STAU2: variants seen among roughly 807,000 people sequenced by gnomAD.
STAU2 encodes the protein double-stranded RNA-binding protein Staufen homolog 2.
STAU2 carries 20 observed loss-of-function variants against 65.9 expected under a neutral mutation model. The observed-to-expected ratio is 0.30, with a 90% CI of 0.21 to 0.44. The LOEUF (loss-of-function observed/expected upper bound fraction) is 0.44, where lower values mean the gene tolerates loss of function less well. Among genes scored for constraint, STAU2 ranks in the 20% least tolerant of loss-of-function variants. The probability of loss-of-function intolerance (pLI) is 1.00; values close to 1 mark genes in which losing one functional copy is unlikely to be tolerated. For synonymous variants in STAU2, 232 were observed against 233.9 expected (o/e 0.99, Z 0.07); for missense variants, 558 against 683.9 (o/e 0.82, Z 2.05).
At chr8:73,523,190 T>C (rs6995147) in intron 13 of STAU2, among the ~76,000 whole-genome samples, 123,561 of 135,994 alleles carry the variant, frequency 0.91, 56,247 homozygotes, top group Middle Eastern at 0.96. Context: ...AGCAAGACTT[T>C]GTCTCCAAAA....
At chr8:73,569,400 A>G (rs1197696747) in intron 12 of STAU2, among the ~76,000 whole-genome samples, 1 of 152,076 alleles carries the variant, frequency 6.6e-6, no homozygotes, top group East Asian at 1.9e-4. Context: ...TAGCTGAACA[A>G]AAGTCAGCAG....
intron 13 of STAU2, among the ~76,000 whole-genome samples, chr8:73,490,387 T>A (rs1362701898): frequency 6.6e-6 from 1 of 152,026 alleles, no homozygotes; most frequent in Non-Finnish European, 1.5e-5. Flanking sequence ...TGGGTTGATC[T>A]GATAATTCTT....
chr8:73,687,819 C>A (rs1045617151), intron 5 of STAU2, among the ~76,000 whole-genome samples: 1 of 151,936 alleles, frequency 6.6e-6, no homozygotes, highest in Non-Finnish European at 1.5e-5. Flanking sequence ...TCACGCCATT[C>A]TCCTGCCTCG....
chr8:73,696,277 C>T (rs1420146758), intron 4 of STAU2, among the ~76,000 whole-genome samples: 1 of 152,198 alleles, frequency 6.6e-6, no homozygotes. Context: ...CATAAACAAA[C>T]TCAGACTCTG....
At chr8:73,719,291 G>A (rs1821481303) in intron 3 of STAU2, among the ~76,000 whole-genome samples, 1 of 151,836 alleles carries the variant, frequency 6.6e-6, no homozygotes, top group Non-Finnish European at 1.5e-5. Flanking sequence ...TGTAGTCCCA[G>A]CTACTACAGA....
chr8:73,561,037 T>C (rs1808187991), intron 12 of STAU2, among the ~76,000 whole-genome samples: 1 of 152,216 alleles, frequency 6.6e-6, no homozygotes, highest in African/African-American at 2.4e-5. Flanking sequence ...CTTATACTTT[T>C]GCCAGAAATT....
At chr8:73,613,218 C>A (rs1251372694) in intron 9 of STAU2, among the ~76,000 whole-genome samples, 6 of 152,182 alleles carry the variant, frequency 3.9e-5, no homozygotes, top group African/African-American at 1.4e-4. Context: ...GCTGCTGTAG[C>A]TATCATTGTT....
chr8:73,568,995 C>T (rs920576669), intron 12 of STAU2, among the ~76,000 whole-genome samples: 1 of 151,974 alleles, frequency 6.6e-6, no homozygotes, highest in Admixed American at 6.5e-5. Flanking sequence ...GTGCAGCACA[C>T]GGAGCAGGGT....
chr8:73,438,877 T>A, intron 13 of STAU2: 1 of 451,658 alleles, frequency 2.2e-6, no homozygotes, highest in Non-Finnish European at 4.4e-6. Flanking sequence ...CAGAACTACC[T>A]AATGTGTGGG....
intron 13 of STAU2, among the ~76,000 whole-genome samples, chr8:73,496,559 A>C (rs1484015194): frequency 1.3e-5 from 2 of 151,820 alleles, no homozygotes; most frequent in Middle Eastern, 3.4e-3. Context: ...CTTTGACATA[A>C]AAGTGTTGAT....
intron 9 of STAU2, among the ~76,000 whole-genome samples, chr8:73,612,682 TG>T (rs1812561685): frequency 2.0e-5 from 3 of 152,354 alleles, no homozygotes; most frequent in Admixed American, 1.3e-4. Context: ...TATGTATATA[TG>T]TATTTTAAAT....
chr8:73,678,196 T>C (rs1818146445), intron 5 of STAU2, among the ~76,000 whole-genome samples: 1 of 152,148 alleles, frequency 6.6e-6, no homozygotes, highest in Non-Finnish European at 1.5e-5. Flanking sequence ...CTTCCTAAAA[T>C]ACTCCTTTAA....
chr8:73,453,897 T>C (rs1274080470), intron 13 of STAU2, among the ~76,000 whole-genome samples: 1 of 152,134 alleles, frequency 6.6e-6, no homozygotes, highest in Non-Finnish European at 1.5e-5. Flanking sequence ...ATGACAGTTT[T>C]CTGAAGTGAC....
chr8:73,551,802 G>A, intron 13 of STAU2: 1 of 1,218,836 alleles, frequency 8.2e-7, no homozygotes, highest in Non-Finnish European at 1.0e-6. Context: ...GAGACAGGCA[G>A]CAAAAGAATT....
chr8:73,672,939 TTTAAG>T (rs1359237875), intron 6 of STAU2, 163 bp downstream of exon 6: 13 of 590,970 alleles, frequency 2.2e-5, no homozygotes, highest in Non-Finnish European at 3.2e-5. Context: ...ACTGGGTTTC[TTTAAG>T]TTATTAATTT....
intron 6 of STAU2, among the ~76,000 whole-genome samples, chr8:73,662,097 C>CA (rs1816872259): frequency 6.6e-6 from 1 of 152,170 alleles, no homozygotes; most frequent in African/African-American, 2.4e-5. Flanking sequence ...TAGGTGTTGT[C>CA]AGTCTTTTTA....
intron 6 of STAU2, among the ~76,000 whole-genome samples, chr8:73,621,354 G>A (rs1166164978): frequency 6.6e-6 from 1 of 152,024 alleles, no homozygotes; most frequent in East Asian, 1.9e-4. Context: ...GCCATCCTGA[G>A]GCCTCCCCAG....
intron 13 of STAU2, among the ~76,000 whole-genome samples, chr8:73,495,866 C>T (rs938745865): frequency 2.0e-5 from 3 of 151,174 alleles, no homozygotes; most frequent in African/African-American, 7.3e-5. Flanking sequence ...CAAGACTGTC[C>T]ACCTCAAGTT....
chr8:73,499,937 T>C (rs1033681682), intron 13 of STAU2, among the ~76,000 whole-genome samples: 4 of 151,836 alleles, frequency 2.6e-5, no homozygotes, highest in East Asian at 1.9e-4. Context: ...AGTCAAGAGA[T>C]TGGCGCTCTC....
Sources: allele counts gnomAD v4.1 joint callset (sites outside exome capture counted in the v4.1 genomes callset), GRCh38; gene constraint gnomAD v4.1.1; transcripts MANE v1.5; gene names NCBI Gene and HGNC (gene_info 2026-07-23, HGNC 2026-07-21).